Variants in TGFBR3 observed in about 807,000 individuals in gnomAD.
TGFBR3 encodes the protein transforming growth factor beta receptor 3.
In TGFBR3, 46 loss-of-function variants were observed where a neutral mutation model predicts 87.9. The ratio of observed to expected loss-of-function variants is 0.52; its 90% CI spans 0.41 to 0.67. The LOEUF is 0.67. Among genes scored for constraint, TGFBR3 ranks in the 30% least tolerant of loss-of-function variants. The pLI, the probability that TGFBR3 is intolerant of heterozygous loss-of-function variation, is 0.00. For synonymous variants in TGFBR3, 381 were observed against 391.6 expected (o/e 0.97, Z 0.32); for missense variants, 866 against 1,041.9 (o/e 0.83, Z 2.32).
chr1:91,881,855 C>A (rs539033964), intron 1 of TGFBR3, among the ~76,000 whole-genome samples: 1 of 151,958 alleles, frequency 6.6e-6, no homozygotes, highest in South Asian at 2.1e-4. Flanking sequence ...GGGGCTAACA[C>A]AGTGAAGCCC....
intron 2 of TGFBR3, among the ~76,000 whole-genome samples, chr1:91,896,450 C>T (rs573342094): frequency 6.6e-6 from 1 of 152,286 alleles, no homozygotes; most frequent in African/African-American, 2.4e-5. Flanking sequence ...CATCAGAATA[C>T]ATCTGACCTG....
At position 91,719,432 on chromosome 1, in the gene TGFBR3, C is replaced by A; in HGVS notation, c.1446G>T (p.Leu482=). The change falls in exon 10 of 17, where the codon CTG becomes CTT. Residue 482 remains leucine, a synonymous_variant. Transcript: ENST00000212355. ...TCTTGGCCTTGCAGGTAGGATCCAA[C>A]AGGGTGACGTCCATCCCCGAGTAGC... The part of the protein sequence containing the change: ...ASGYSGMDVT[L]LDPTCKAKMN... 6.2e-7 allele frequency: 1 copy of A among 1,614,162 alleles called. No individual in the cohort carries two copies.
At position 91,811,418 on chromosome 1, in the gene TGFBR3, T is replaced by C. The variant is rs115272234; in HGVS notation, c.62-13947A>G. On this transcript the variant is annotated intron_variant, in intron 2 of 16. Transcript: ENST00000212355. The stretch of plus-strand genomic sequence containing the variant: ...CCTGTAATAAAGCAAGAATCAGTGA[T>C]TTTTAACTTTTTAAACCAATAATTT... Among the ~76,000 whole-genome samples the C allele has an allele frequency of 3.9e-3, 591 of 152,330 alleles. 5 individuals are homozygous for C. Among genetic ancestry groups the C allele is most frequent in the African/African-American group, 0.013 (540 of 41,578 alleles).
intron 2 of TGFBR3, among the ~76,000 whole-genome samples, chr1:91,804,511 C>G (rs1361067036): frequency 1.3e-5 from 2 of 152,174 alleles, no homozygotes; most frequent in African/African-American, 4.8e-5. Context: ...GTGGTTCCTT[C>G]CGCAATCTGT....
intron 1 of TGFBR3, among the ~76,000 whole-genome samples, chr1:91,875,085 T>G (rs925176722): frequency 3.9e-5 from 6 of 152,194 alleles, no homozygotes; most frequent in South Asian, 2.1e-4. Flanking sequence ...AGAATTCCAT[T>G]TGACAATATA....
chr1:91,899,760 A>G (rs1043363313), intron 1 of TGFBR3: 1 of 152,120 alleles, frequency 6.6e-6, no homozygotes, highest in Non-Finnish European at 1.5e-5. Flanking sequence ...TTTTGGCTGA[A>G]AATTAACATT....
intron 14 of TGFBR3, among the ~76,000 whole-genome samples, chr1:91,705,045 T>C (rs78211088): frequency 6.6e-6 from 1 of 152,300 alleles, no homozygotes; most frequent in East Asian, 1.9e-4. Flanking sequence ...GGCATGGCCT[T>C]CAAAGAGCAC....
intron 2 of TGFBR3, among the ~76,000 whole-genome samples, chr1:91,821,522 G>A (rs945944752): frequency 2.6e-5 from 4 of 152,098 alleles, no homozygotes; most frequent in African/African-American, 9.7e-5. Flanking sequence ...ATTGGTTTCT[G>A]CTCTACATAT....
At chr1:91,804,226 G>C (rs993412552) in intron 2 of TGFBR3, among the ~76,000 whole-genome samples, 3 of 151,922 alleles carry the variant, frequency 2.0e-5, no homozygotes, top group Admixed American at 6.5e-5. Context: ...TGGCATTTTT[G>C]GTTGCTAAGA....
intron 2 of TGFBR3, among the ~76,000 whole-genome samples, chr1:91,838,150 A>C (rs564700240): frequency 6.6e-6 from 1 of 152,302 alleles, no homozygotes; most frequent in African/African-American, 2.4e-5. Flanking sequence ...CCAGAAGAAA[A>C]GATTCCCCTA....
intron 14 of TGFBR3, among the ~76,000 whole-genome samples, chr1:91,707,351 T>C (rs1481085277): frequency 2.0e-5 from 3 of 152,176 alleles, no homozygotes; most frequent in East Asian, 1.9e-4. Flanking sequence ...AGATACACAA[T>C]TGGAATGGCA....
chr1:91,750,236 G>A lies in TGFBR3; in HGVS notation c.384+8377C>T, dbSNP rs542107962. On this transcript the variant is annotated intron_variant, in intron 4 of 16. Transcript: ENST00000212355. ...CCCAGGCAAATCTCCCAGGGGCCAC[G>A]GGCCATTCACTCACTCACAACATTC... is the stretch of plus-strand genomic sequence containing the variant. 3.9e-5 allele frequency among the ~76,000 whole-genome samples: 6 copies of A among 152,270 alleles called. No individual in the cohort carries two copies. The East Asian group carries it at 5.8e-4, about 15-fold the overall frequency.
In TGFBR3 at chr1:91,683,787, G is replaced by A. The variant is rs755036359; in HGVS notation, c.2508C>T (p.Ser836=). 2.8e-5 allele frequency: 45 copies of A among 1,606,620 alleles called. No homozygotes were observed. Among genetic ancestry groups the A allele is most frequent in the Non-Finnish European group, 8.5e-7 (1 of 1,177,500 alleles). The change falls in exon 17 of 17, where the codon AGC becomes AGT. Residue 836 remains serine (S), a synonymous_variant. Coordinates refer to ENST00000212355, the MANE Select transcript of TGFBR3 (RefSeq NM_003243.5). ...PASENSSAAH[S]IGSTQSTPCS... is the part of the protein sequence containing the mutation. Reference sequence around the variant, plus strand: ...AAGGCGTGCTCTGCGTGCTGCCGATGCTGTGGGCAGCACTGCTGTTTTCCG... The same window carrying A: ...AAGGCGTGCTCTGCGTGCTGCCGATACTGTGGGCAGCACTGCTGTTTTCCG...
chr1:91,799,704 A>T, intron 2 of TGFBR3, among the ~76,000 whole-genome samples: 1 of 152,226 alleles, frequency 6.6e-6, no homozygotes, highest in Admixed American at 6.5e-5. Flanking sequence ...GAACAGGCTG[A>T]AAACACATCT....
At chr1:91,816,548 T>C (rs1301427782) in intron 2 of TGFBR3, among the ~76,000 whole-genome samples, 1 of 152,234 alleles carries the variant, frequency 6.6e-6, no homozygotes, top group African/African-American at 2.4e-5. Context: ...TGATTCTTCC[T>C]GGGTTAGCAA....
chr1:91,850,625 C>T (rs1339786758), intron 2 of TGFBR3, among the ~76,000 whole-genome samples: 2 of 151,834 alleles, frequency 1.3e-5, no homozygotes, highest in Non-Finnish European at 2.9e-5. Flanking sequence ...TATAAAAGAT[C>T]ACAAAATTAG....
At chr1:91,744,654 T>C (rs573496567) in intron 4 of TGFBR3, among the ~76,000 whole-genome samples, 3 of 152,260 alleles carry the variant, frequency 2.0e-5, no homozygotes, top group Non-Finnish European at 4.4e-5. Flanking sequence ...GACTCCAGGG[T>C]GGTGGGAGGT....
intron 16 of TGFBR3, among the ~76,000 whole-genome samples, chr1:91,684,535 G>C (rs1671025614): frequency 6.6e-6 from 1 of 152,174 alleles, no homozygotes; most frequent in East Asian, 1.9e-4. Context: ...GTTCCCTGTG[G>C]GGTGCAGTGT....
At chr1:91,734,577 G>A (rs1199225247) in intron 5 of TGFBR3, among the ~76,000 whole-genome samples, 199 bp downstream of exon 5, 1 of 152,176 alleles carries the variant, frequency 6.6e-6, no homozygotes, top group Non-Finnish European at 1.5e-5. Context: ...CCATAACCAG[G>A]CCTGCTTCCC....
Sources: allele counts gnomAD v4.1 joint callset (sites outside exome capture counted in the v4.1 genomes callset), GRCh38; gene constraint gnomAD v4.1.1; transcripts MANE v1.5; gene names NCBI Gene and HGNC (gene_info 2026-07-23, HGNC 2026-07-21).